Variants in C1QTNF8 observed in about 807,000 individuals in gnomAD.
The protein encoded by C1QTNF8 is complement C1q tumor necrosis factor-related protein 8.
Under a neutral mutation model 19.2 loss-of-function variants are expected in C1QTNF8, and 27 were observed. The ratio of observed to expected loss-of-function variants is 1.41; its 90% CI spans 1.04 to 1.94. The LOEUF (loss-of-function observed/expected upper bound fraction) is 1.94, where lower values mean the gene tolerates loss of function less well. Among genes scored for constraint, C1QTNF8 ranks in the 30% most tolerant of loss-of-function variants. The pLI, the probability that C1QTNF8 is intolerant of heterozygous loss-of-function variation, is 0.00. For synonymous variants in C1QTNF8, 208 were observed against 172.8 expected (o/e 1.20, Z -1.60); for missense variants, 484 against 374.4 (o/e 1.29, Z -2.42).
chr16:1,093,193 A>T (rs1192209030), intron 4 of C1QTNF8, among the ~76,000 whole-genome samples: 1 of 147,324 alleles, frequency 6.8e-6, no homozygotes, highest in Non-Finnish European at 1.5e-5. Flanking sequence ...TCGGCGCTCA[A>T]CCAATCACAG....
At position 1,093,952 on chromosome 16, in the gene C1QTNF8, C is replaced by G; in HGVS notation, c.308G>C (p.Gly103Ala). ...CGCGGCGCCCGGCGGCCCCACCTGC[C>G]CCTTCTGGCCTCTGCGGCCCTGCAG... ...RGLQGRRGQK[G>A]QVGPPGAACR... The change falls in exon 4 of 5, where the codon GGG becomes GCG. Residue 103 changes from glycine (G) to alanine (A), a missense_variant. Transcript: ENST00000328449. 6.7e-7 allele frequency: 1 copy of G among 1,487,784 alleles called. No individual in the cohort carries two copies. The allele number at this position is 1,487,784 out of a possible 1,614,324, so 92.2% of individuals were successfully genotyped here.
chr16:1,090,623 G>A (rs906755118), intron 4 of C1QTNF8, 29 bp from the exon 5 acceptor site: 1 of 152,290 alleles, frequency 6.6e-6, no homozygotes, highest in Non-Finnish European at 1.5e-5. Context: ...ACTTCCTGAG[G>A]GTGGGGCTGG....
Position 1,093,782 on chromosome 16 carries a change from C to T in C1QTNF8, c.478G>A (p.Val160Met). 1 of 1,612,142 alleles carries T rather than the reference C, an allele frequency of 6.2e-7. No homozygotes were observed. ...AGGCTGAGGAAGTAGACGCCGGGCA[C>T]CGTGCAGAGGAAGCGGCCCGCGGCC... ...DLAAGRFLCT[V>M]PGVYFLSLNV... Residue 160 changes from valine to methionine, a missense_variant, in exon 4 of 5, where the codon GTG (valine) becomes ATG (methionine). Physicochemically the swap from Val to Met is conservative, Grantham distance 21. Transcript: ENST00000328449.
chr16:1,095,305 G>C (rs570331594), intron 2 of C1QTNF8, among the ~76,000 whole-genome samples: 1 of 152,328 alleles, frequency 6.6e-6, no homozygotes, highest in South Asian at 2.1e-4. Flanking sequence ...CAGAGCCCTG[G>C]GGCGTGGTGG....
At chr16:1,091,893 C>A (rs546243210) in intron 4 of C1QTNF8, among the ~76,000 whole-genome samples, 2 of 151,452 alleles carry the variant, frequency 1.3e-5, no homozygotes, top group East Asian at 3.9e-4. Flanking sequence ...CTGGAAGTGA[C>A]CGTCTTCCTT....
chr16:1,093,174 TGCACACAGTCGGCGCTCAACCAATCACA>T (rs1960591815), intron 4 of C1QTNF8, among the ~76,000 whole-genome samples: 22 of 141,448 alleles, frequency 1.6e-4, no homozygotes, highest in Non-Finnish European at 2.7e-4. Flanking sequence ...AATCAATCCC[TGCACACAGTCGGCGCTCAACCAATCACA>T]GCACACAGTC....
At chr16:1,094,958 G>A (rs1960653934) in intron 2 of C1QTNF8, 25 bp from the exon 3 acceptor site, 1 of 1,058,928 alleles carries the variant, frequency 9.4e-7, no homozygotes. Context: ...AGAGGGGAGG[G>A]ACTGAGAAGG....
Position 1,093,867 on chromosome 16 carries a change from G to C in C1QTNF8, c.393C>G (p.Asp131Glu). The C allele has an allele frequency of 6.2e-7, 1 of 1,600,374 alleles. No homozygotes were observed. Among genetic ancestry groups the C allele is most frequent in the Non-Finnish European group, 8.5e-7 (1 of 1,177,764 alleles). Reference sequence around the variant, plus strand: ...TGTCGAAGGGCACCGCCTGGAAGTGGTCGGAGCTGTGCAGGCCCTCGCGCC... The same window carrying C: ...TGTCGAAGGGCACCGCCTGGAAGTGCTCGGAGCTGTGCAGGCCCTCGCGCC... ...VGRREGLHSS[D>E]HFQAVPFDTE... is the part of the protein sequence containing the mutation. The change falls in exon 4 of 5, where the codon GAC becomes GAG. Residue 131 changes from aspartate to glutamate, a missense_variant. Coordinates refer to ENST00000328449, the MANE Select transcript of C1QTNF8 (RefSeq NM_207419.3).
chr16:1,092,907 C>T (rs113529380), intron 4 of C1QTNF8, among the ~76,000 whole-genome samples: 2 of 47,222 alleles, frequency 4.2e-5, no homozygotes, highest in Admixed American at 1.5e-4. Context: ...ACACAGTCGG[C>T]GCTCAACAAA....
Position 1,094,878 on chromosome 16 carries a change from C to G in C1QTNF8, c.45G>C (p.Val15=), listed in dbSNP as rs770287805. Residue 15 remains valine (V), a synonymous_variant, in exon 3 of 5, where the codon GTG becomes GTC. Coordinates refer to ENST00000328449, the MANE Select transcript of C1QTNF8 (RefSeq NM_207419.3). The part of the protein sequence containing the change: ...ALLLLALLLP[V]GAWPGLPRRP... Reference sequence around the variant, plus strand: ...TCCTGGGCAGCCCGGGCCAGGCCCCCACGGGCAGCAGCAGTGCTAGGAGCA... The same window carrying G: ...TCCTGGGCAGCCCGGGCCAGGCCCCGACGGGCAGCAGCAGTGCTAGGAGCA... The G allele has an allele frequency of 2.4e-5, 33 of 1,394,282 alleles. No homozygotes were observed. In the African/African-American group the frequency reaches 4.5e-4, roughly 19 times the overall value. 86.4% of individuals were successfully genotyped at this position (1,394,282 alleles called of 1,614,324 possible).
chr16:1,090,904 G>A (rs1015904959), intron 4 of C1QTNF8, among the ~76,000 whole-genome samples: 10 of 152,222 alleles, frequency 6.6e-5, no homozygotes, highest in African/African-American at 2.4e-4. Context: ...CCCCTGACCT[G>A]GGGGCTGCAG....
intron 4 of C1QTNF8, 58 bp downstream of exon 4, chr16:1,093,439 C>CACAG: frequency 8.0e-7 from 1 of 1,251,084 alleles, no homozygotes; most frequent in South Asian, 1.6e-5. Flanking sequence ...CACACACACA[C>CACAG]ACAGACACAC....
In C1QTNF8 at chr16:1,090,490, T is replaced by C. The variant is rs117465244; in HGVS notation, c.*109A>G. On this transcript the variant is annotated 3_prime_UTR_variant, in exon 5 of 5. Coordinates refer to ENST00000328449, the MANE Select transcript of C1QTNF8 (RefSeq NM_207419.3). ...ACTCTGGCCGGGCCTCAGAGCACCATCTCCCAAGGGCAGGGCACCCTCTGT... is the reference window on the plus strand; with the variant it reads ...ACTCTGGCCGGGCCTCAGAGCACCACCTCCCAAGGGCAGGGCACCCTCTGT... 2,047 of 152,254 alleles carry C rather than the reference T, an allele frequency of 0.013. 24 individuals are homozygous for C. Among genetic ancestry groups the C allele is most frequent in the Middle Eastern group, 0.031 (9 of 294 alleles). The allele number at this position is 152,254 out of a possible 1,614,324, so 9.4% of individuals were successfully genotyped here. A position where few individuals can be genotyped will look rare whatever the true frequency, so the allele number is the denominator to read the frequency against.
rs2151563487 is a variant in C1QTNF8, at chr16:1,089,434, C to A, written c.*1165G>T. Among the ~76,000 whole-genome samples the A allele has an allele frequency of 6.6e-6, 1 of 152,336 alleles. No individual in the cohort carries two copies. Among genetic ancestry groups the A allele is most frequent in the South Asian group, 2.1e-4 (1 of 4,830 alleles). ...TGGACACCAAGGGCTCGGCTCTGGGCAGTGCCCACTTGGGACCTGCAAGCC... is the reference window on the plus strand; with the variant it reads ...TGGACACCAAGGGCTCGGCTCTGGGAAGTGCCCACTTGGGACCTGCAAGCC... On this transcript the variant is annotated 3_prime_UTR_variant, in exon 5 of 5. Transcript: ENST00000328449.
At chr16:1,092,182 C>G (rs913821151) in intron 4 of C1QTNF8, among the ~76,000 whole-genome samples, 1 of 152,216 alleles carries the variant, frequency 6.6e-6, no homozygotes, top group African/African-American at 2.4e-5. Flanking sequence ...TGTGCGCCAG[C>G]CCCTGTGAGG....
chr16:1,095,354 G>C (rs1960663965), intron 2 of C1QTNF8, among the ~76,000 whole-genome samples: 1 of 152,176 alleles, frequency 6.6e-6, no homozygotes, highest in South Asian at 2.1e-4. Context: ...AGGCTGGCCT[G>C]GGGTGGGGGG....
At chr16:1,090,836 A>G (rs1960529569) in intron 4 of C1QTNF8, among the ~76,000 whole-genome samples, 1 of 152,196 alleles carries the variant, frequency 6.6e-6, no homozygotes, top group African/African-American at 2.4e-5. Context: ...AGGGAGGGTC[A>G]CTGTTCCCAG....
chr16:1,096,107 C>G (rs1250104894), intron 1 of C1QTNF8, 49 bp downstream of exon 1: 3 of 152,308 alleles, frequency 2.0e-5, no homozygotes, highest in Admixed American at 1.3e-4. Flanking sequence ...CTCCCACAAC[C>G]AGCCCCAGGC....
rs1960479829 is a variant in C1QTNF8, at chr16:1,088,470, C to T, written c.*2129G>A. ...TGTCTCCTAAGTGGCCAGGGCAGCA[C>T]GAGGCTGTCGCTGCTTTTCGTGTCT... On this transcript the variant is annotated 3_prime_UTR_variant, in exon 5 of 5. Coordinates refer to ENST00000328449, the MANE Select transcript of C1QTNF8 (RefSeq NM_207419.3). Among the ~76,000 whole-genome samples, 1 of 152,274 alleles carries T rather than the reference C, an allele frequency of 6.6e-6. No homozygotes were observed. The highest frequency in any genetic ancestry group is 2.4e-5 in the African/African-American group (1 of 41,554).
Sources: gnomAD v4.1 joint callset for allele counts (sites outside exome capture counted in the v4.1 genomes callset) on GRCh38, gnomAD v4.1.1 for gene constraint, MANE v1.5 for transcripts, NCBI Gene and HGNC (gene_info 2026-07-23, HGNC 2026-07-21) for gene names.